PDSS1: variants seen among roughly 807,000 people sequenced by gnomAD.
The protein encoded by PDSS1 is all trans-polyprenyl-diphosphate synthase PDSS1.
Under a neutral mutation model 57.5 loss-of-function variants are expected in PDSS1, and 43 were observed. The ratio of observed to expected loss-of-function variants is 0.75; its 90% CI spans 0.59 to 0.96. The LOEUF is 0.96. Ranked by LOEUF, PDSS1 falls within the 50% of genes least tolerant of loss-of-function variation. The probability of loss-of-function intolerance (pLI) is 0.00; values close to 1 mark genes in which losing one functional copy is unlikely to be tolerated. For synonymous variants in PDSS1, 175 were observed against 191.3 expected (o/e 0.91, Z 0.70); for missense variants, 438 against 527.8 (o/e 0.83, Z 1.67).
chr10:26,705,435 C>A, intron 4 of PDSS1, 41 bp downstream of exon 4: 1 of 845,872 alleles, frequency 1.2e-6, no homozygotes, highest in Non-Finnish European at 1.9e-6. Flanking sequence ...TTTTAGCTTA[C>A]CAAAACTTAC....
rs200899328 is a variant in PDSS1, at chr10:26,746,520, A to G, written c.*47A>G. 207 of 1,605,478 alleles carry G rather than the reference A, an allele frequency of 1.3e-4. 2 individuals carry two copies. The highest frequency in any genetic ancestry group is 7.9e-4 in the South Asian group (72 of 90,802). ...GCAGCTATCTTACCAGACTGTGCCTAAAGAATTTTGTGGAATACACTTTGT... is the reference window on the plus strand; with the variant it reads ...GCAGCTATCTTACCAGACTGTGCCTGAAGAATTTTGTGGAATACACTTTGT... On this transcript the variant is annotated 3_prime_UTR_variant, in exon 12 of 12. Transcript: ENST00000376215.
intron 8 of PDSS1, among the ~76,000 whole-genome samples, chr10:26,726,254 G>A (rs1250557347): frequency 6.6e-6 from 1 of 152,150 alleles, no homozygotes; most frequent in Non-Finnish European, 1.5e-5. Context: ...AACGTGGCTG[G>A]ACCCTTATTA....
At chr10:26,720,062 A>G in intron 5 of PDSS1, 156 bp from the exon 6 acceptor site, 2 of 987,500 alleles carry the variant, frequency 2.0e-6, no homozygotes, top group South Asian at 3.0e-5. Flanking sequence ...TTGTAAATGT[A>G]TAGAAATGGC....
intron 9 of PDSS1, 63 bp downstream of exon 9, chr10:26,735,383 T>C: frequency 2.9e-6 from 4 of 1,369,934 alleles, no homozygotes; most frequent in Non-Finnish European, 4.2e-6. Context: ...TCTCCCCTAG[T>C]GTGTAATCGT....
intron 10 of PDSS1, among the ~76,000 whole-genome samples, chr10:26,740,066 C>T (rs1460371817): frequency 1.3e-5 from 2 of 149,850 alleles, no homozygotes; most frequent in Non-Finnish European, 3.0e-5. Flanking sequence ...CATTTGAACC[C>T]GGGAGGCGGA....
chr10:26,697,930 T>C, intron 1 of PDSS1, 90 bp downstream of exon 1: 1 of 1,159,810 alleles, frequency 8.6e-7, no homozygotes, highest in African/African-American at 1.6e-5. Flanking sequence ...GGGGAGCACG[T>C]GCGTCGCGAC....
At chr10:26,718,506 A>G (rs1229729921) in intron 5 of PDSS1, among the ~76,000 whole-genome samples, 3 of 152,142 alleles carry the variant, frequency 2.0e-5, no homozygotes, top group African/African-American at 4.8e-5. Flanking sequence ...CACACCTGTA[A>G]TCCCAGCACT....
At chr10:26,737,485 C>G (rs563926901) in intron 10 of PDSS1, among the ~76,000 whole-genome samples, 9 of 152,154 alleles carry the variant, frequency 5.9e-5, no homozygotes, top group African/African-American at 2.2e-4. Context: ...GTAATCCCAG[C>G]ACTTTGGGAG....
intron 4 of PDSS1, among the ~76,000 whole-genome samples, chr10:26,707,691 A>G (rs538845980): frequency 2.0e-5 from 3 of 152,094 alleles, no homozygotes; most frequent in South Asian, 2.1e-4. Context: ...TCTCTTCCTT[A>G]TATATCTGTG....
intron 11 of PDSS1, among the ~76,000 whole-genome samples, chr10:26,743,302 A>T (rs1420159475): frequency 6.6e-6 from 1 of 152,158 alleles, no homozygotes; most frequent in African/African-American, 2.4e-5. Flanking sequence ...CAGCCAACAG[A>T]TCTACTGGAT....
At chr10:26,714,256 A>G (rs1160861748) in intron 5 of PDSS1, among the ~76,000 whole-genome samples, 1 of 152,088 alleles carries the variant, frequency 6.6e-6, no homozygotes, top group Admixed American at 6.6e-5. Flanking sequence ...GGTGGATCAC[A>G]TGAGTTCAGG....
intron 1 of PDSS1, 65 bp downstream of exon 1, chr10:26,697,905 G>T: frequency 1.6e-6 from 2 of 1,217,532 alleles, no homozygotes; most frequent in Non-Finnish European, 2.1e-6. Context: ...AGCAGTGGGC[G>T]GAATGAATGG....
chr10:26,714,615 A>C (rs1261508830), intron 5 of PDSS1: 1 of 152,206 alleles, frequency 6.6e-6, no homozygotes, highest in Non-Finnish European at 1.5e-5. Context: ...CATTGAAGAC[A>C]CTGTTATCAC....
intron 10 of PDSS1, among the ~76,000 whole-genome samples, chr10:26,737,710 G>A (rs969612202): frequency 8.4e-6 from 1 of 118,570 alleles, no homozygotes; most frequent in East Asian, 2.8e-4. Context: ...GTGACAGAGT[G>A]AGACTCCGTC....
chr10:26,722,257 C>T (rs1835813362), intron 6 of PDSS1, among the ~76,000 whole-genome samples: 1 of 152,136 alleles, frequency 6.6e-6, no homozygotes. Context: ...ATCAGGATGT[C>T]TTACATAATA....
rs563442399 is a variant in PDSS1 at position 26,724,286 on chromosome 10, C to T, written c.831+163C>T. Among the ~76,000 whole-genome samples the T allele has an allele frequency of 7.2e-5, 11 of 152,290 alleles. No individual in the cohort carries two copies. In the East Asian group the frequency reaches 2.1e-3, roughly 29 times the overall value. The stretch of plus-strand genomic sequence containing the variant: ...ATCCCCAAACAATAGAGGACTTCTG[C>T]TGTGTTTTCATTTTTGCCATCTTCT... On this transcript the variant is annotated intron_variant, in intron 8 of 11. Transcript: ENST00000376215.
intron 8 of PDSS1, among the ~76,000 whole-genome samples, chr10:26,725,975 T>C (rs549431381): frequency 1.3e-5 from 2 of 152,280 alleles, no homozygotes; most frequent in South Asian, 4.1e-4. Flanking sequence ...ACTATTGGAA[T>C]TGGAAACACC....
Position 26,720,305 on chromosome 10 carries a change from T to C in PDSS1, c.555T>C (p.Asp185=), listed in dbSNP as rs913868781. The part of the protein sequence containing the change: ...ASLVHDDVID[D]ASSRRGKHTV... ...TGGTTCACGATGACGTTATTGACGA[T>C]GCAAGTTCTCGAAGAGGAAAACACA... Residue 185 remains aspartate, a synonymous_variant, in exon 6 of 12, where the codon GAT becomes GAC. Coordinates refer to ENST00000376215, the MANE Select transcript of PDSS1 (RefSeq NM_014317.5). 1.2e-6 allele frequency: 2 copies of C among 1,614,164 alleles called. No homozygotes were observed. The highest frequency in any genetic ancestry group is 8.5e-7 in the Non-Finnish European group (1 of 1,179,984).
At position 26,709,712 on chromosome 10, in the gene PDSS1, A is replaced by G. The variant is rs114640034; in HGVS notation, c.411A>G (p.Arg137=). The change falls in exon 5 of 12, where the codon CGA becomes CGG. Residue 137 remains arginine, a synonymous_variant. Coordinates refer to ENST00000376215, the MANE Select transcript of PDSS1 (RefSeq NM_014317.5). ...TTGATGGGAAAGGGAAAGCCTTTCGACCAATTATTGTGGCGCTAATGGCCC... is the reference window on the plus strand; with the variant it reads ...TTGATGGGAAAGGGAAAGCCTTTCGGCCAATTATTGTGGCGCTAATGGCCC... ...YYFDGKGKAF[R]PIIVALMARA... 260 of 1,613,746 alleles carry G rather than the reference A, an allele frequency of 1.6e-4. 1 individual carries two copies. The African/African-American group carries it at 3.3e-3, about 20-fold the overall frequency.
Sources: allele counts gnomAD v4.1 joint callset (sites outside exome capture counted in the v4.1 genomes callset), GRCh38; gene constraint gnomAD v4.1.1; transcripts MANE v1.5; gene names NCBI Gene and HGNC (gene_info 2026-07-23, HGNC 2026-07-21).